Variants in ADGRL2 observed in about 807,000 individuals in gnomAD.
ADGRL2 encodes calcium-independent alpha-latrotoxin receptor 2.
In ADGRL2, 44 loss-of-function variants were observed where a neutral mutation model predicts 157.4. That is an observed-to-expected ratio of 0.28 (90% CI 0.22 to 0.36). The LOEUF (loss-of-function observed/expected upper bound fraction) is 0.36, where lower values mean the gene tolerates loss of function less well. Among genes scored for constraint, ADGRL2 ranks in the 10% least tolerant of loss-of-function variants. ADGRL2 has a pLI of 1.00. For synonymous variants in ADGRL2, 585 were observed against 624.7 expected (o/e 0.94, Z 0.95); for missense variants, 1,510 against 1,768.9 (o/e 0.85, Z 2.63).
At chr1:81,603,592 G>A (rs1343719252) in intron 3 of ADGRL2, among the ~76,000 whole-genome samples, 1 of 152,170 alleles carries the variant, frequency 6.6e-6, no homozygotes, top group Non-Finnish European at 1.5e-5. Context: ...ATATTTCACA[G>A]TGTCATCCAT....
chr1:81,850,324 C>T (rs1271704392), intron 2 of ADGRL2, among the ~76,000 whole-genome samples: 1 of 140,490 alleles, frequency 7.1e-6, no homozygotes, highest in African/African-American at 2.4e-5. Flanking sequence ...TTCTTTCTCC[C>T]CCTCCTCCTC....
In ADGRL2 at chr1:81,969,393, C is replaced by A; in HGVS notation, c.2733+6C>A. On this transcript the variant is annotated splice_donor_region_variant and intron_variant, in intron 15 of 23. Coordinates refer to ENST00000686636, the MANE Select transcript of ADGRL2 (RefSeq NM_001366006.2). Reference sequence around the variant, plus strand: ...TTGATAAGACAAAATATGCGGTAAGCACCAGTTGAGTTCATTGACCTTAGA... The same window carrying A: ...TTGATAAGACAAAATATGCGGTAAGAACCAGTTGAGTTCATTGACCTTAGA... The A allele has an allele frequency of 6.2e-7, 1 of 1,600,434 alleles. No individual in the cohort carries two copies. Among genetic ancestry groups the A allele is most frequent in the Non-Finnish European group, 8.6e-7 (1 of 1,167,974 alleles).
intron 3 of ADGRL2, among the ~76,000 whole-genome samples, chr1:81,581,259 A>G (rs1246970681): frequency 6.6e-6 from 1 of 152,238 alleles, no homozygotes; most frequent in Non-Finnish European, 1.5e-5. Flanking sequence ...CATTAATGTT[A>G]TAGTAAAATG....
intron 2 of ADGRL2, among the ~76,000 whole-genome samples, chr1:81,518,795 C>G (rs1336920920): frequency 7.6e-6 from 1 of 130,754 alleles, no homozygotes; most frequent in Non-Finnish European, 1.6e-5. Context: ...GAGACCTTGT[C>G]TCAAAAAAAA....
At chr1:81,833,641 CTTAAAA>C (rs2092097955) in intron 1 of ADGRL2, among the ~76,000 whole-genome samples, 1 of 152,146 alleles carries the variant, frequency 6.6e-6, no homozygotes, top group Non-Finnish European at 1.5e-5. Flanking sequence ...AAATATGTGA[CTTAAAA>C]TTAGTTAGCG....
At chr1:81,863,698 A>G (rs749339995) in intron 2 of ADGRL2, among the ~76,000 whole-genome samples, 5 of 152,198 alleles carry the variant, frequency 3.3e-5, no homozygotes, top group Non-Finnish European at 5.9e-5. Flanking sequence ...TCAAGAAACC[A>G]GGTATCATAT....
At chr1:81,950,106 GCATGC>G (rs1651259744) in intron 6 of ADGRL2, 78 bp from the exon 7 acceptor site, 3 of 1,066,256 alleles carry the variant, frequency 2.8e-6, no homozygotes, top group Admixed American at 2.0e-5. Flanking sequence ...GTGTGTGTGT[GCATGC>G]ACACATTCCA....
chr1:81,374,575 A>AAACAAAAAAAAAAAAC lies in ADGRL2; in HGVS notation c.-302+68068_-302+68069insCAAAAAAAAAAAACAA, dbSNP rs1353041243. The stretch of plus-strand genomic sequence containing the variant: ...CAACAGAGTGAGACTCCATCTCAAA[A>AAACAAAAAAAAAAAAC]AAGAAAAAAAAAACAAGTTGCCTTG... On this transcript the variant is annotated intron_variant, in intron 1 of 24. Coordinates refer to the ADGRL2 transcript ENST00000370721. Among the ~76,000 whole-genome samples, 2 of 48,512 alleles carry AAACAAAAAAAAAAAAC rather than the reference A, an allele frequency of 4.1e-5. 1 individual carries two copies. Among genetic ancestry groups the AAACAAAAAAAAAAAAC allele is most frequent in the South Asian group, 2.1e-3 (2 of 956 alleles). 31.8% of individuals were successfully genotyped at this position (48,512 alleles called of 152,430 possible). A position where few individuals can be genotyped will look rare whatever the true frequency, so the allele number is the denominator to read the frequency against.
At chr1:81,699,253 A>G (rs1390467592), upstream of ADGRL2, among the ~76,000 whole-genome samples, 1 of 152,224 alleles carries the variant, frequency 6.6e-6, no homozygotes, top group African/African-American at 2.4e-5. Context: ...AAAAGAGCCC[A>G]TTTTTGCTAA....
intron 3 of ADGRL2, among the ~76,000 whole-genome samples, chr1:81,584,477 G>A (rs1054580165): frequency 1.3e-5 from 2 of 152,114 alleles, no homozygotes; most frequent in African/African-American, 4.8e-5. Context: ...GTCTGCAGCT[G>A]TATTTTGTTG....
intron 1 of ADGRL2, among the ~76,000 whole-genome samples, chr1:81,712,178 C>T (rs1570923078): frequency 6.6e-6 from 1 of 152,218 alleles, no homozygotes; most frequent in Non-Finnish European, 1.5e-5. Flanking sequence ...CAAGTAAGGC[C>T]ATTAATAGAC....
chr1:81,504,693 G>A (rs968377880), intron 2 of ADGRL2, among the ~76,000 whole-genome samples: 3 of 152,068 alleles, frequency 2.0e-5, no homozygotes, highest in African/African-American at 7.2e-5. Context: ...CTCTCACACT[G>A]GGTCGGGCCC....
intron 3 of ADGRL2, among the ~76,000 whole-genome samples, chr1:81,585,374 C>T (rs1423096415): frequency 1.3e-5 from 2 of 152,054 alleles, no homozygotes; most frequent in African/African-American, 4.8e-5. Context: ...TTCTTGTTGT[C>T]ATATTCATTC....
At chr1:81,335,789 G>A (rs565374819) in intron 1 of ADGRL2, among the ~76,000 whole-genome samples, 1 of 150,760 alleles carries the variant, frequency 6.6e-6, no homozygotes, top group East Asian at 2.0e-4. Context: ...AAATCCTACT[G>A]ATAGCCAGAC....
intron 2 of ADGRL2, chr1:81,502,598 G>T (rs1038113962): frequency 1.2e-6 from 2 of 1,613,920 alleles, no homozygotes; most frequent in African/African-American, 2.7e-5. Flanking sequence ...GATCTGGAGG[G>T]AGATCACCAA....
intron 1 of ADGRL2, among the ~76,000 whole-genome samples, chr1:81,746,196 C>T (rs1369829730): frequency 6.6e-6 from 1 of 152,052 alleles, no homozygotes; most frequent in African/African-American, 2.4e-5. Context: ...GTATTATATA[C>T]TAAATTGGTA....
At chr1:81,905,610 C>A (rs573182510) in intron 2 of ADGRL2, among the ~76,000 whole-genome samples, 1 of 152,290 alleles carries the variant, frequency 6.6e-6, no homozygotes, top group Non-Finnish European at 1.5e-5. Flanking sequence ...ATAATCAGTT[C>A]TATGTTTTGA....
At chr1:81,505,654 T>C (rs1296430695) in intron 2 of ADGRL2, among the ~76,000 whole-genome samples, 1 of 146,156 alleles carries the variant, frequency 6.8e-6, no homozygotes, top group Non-Finnish European at 1.5e-5. Flanking sequence ...CCTCCTGCTC[T>C]CCATCTTATA....
At chr1:81,822,220 G>A (rs2091057579) in intron 1 of ADGRL2, among the ~76,000 whole-genome samples, 1 of 149,658 alleles carries the variant, frequency 6.7e-6, no homozygotes, top group Non-Finnish European at 1.5e-5. Flanking sequence ...GATGATAAAA[G>A]TGTTTTCTAC....
Sources: allele counts gnomAD v4.1 joint callset (sites outside exome capture counted in the v4.1 genomes callset), GRCh38; gene constraint gnomAD v4.1.1; transcripts MANE v1.5; gene names NCBI Gene and HGNC (gene_info 2026-07-23, HGNC 2026-07-21).